Variants in NAV3 observed in about 807,000 individuals in gnomAD.
NAV3 encodes the protein pore membrane and/or filament interacting like protein 1.
In NAV3, 87 loss-of-function variants were observed where a neutral mutation model predicts 244.7. The ratio of observed to expected loss-of-function variants is 0.36; its 90% CI spans 0.30 to 0.42. The LOEUF is 0.42. NAV3 is among the 20% of genes least tolerant of loss of function. The pLI is 1.00. For synonymous variants in NAV3, 1,126 were observed against 1,042.2 expected (o/e 1.08, Z -1.55); for missense variants, 2,663 against 2,893.3 (o/e 0.92, Z 1.83).
intron 2 of NAV3, among the ~76,000 whole-genome samples, chr12:77,576,374 T>C (rs1869084167): frequency 6.6e-6 from 1 of 152,026 alleles, no homozygotes; most frequent in Admixed American, 6.6e-5. Context: ...TCAATTCACA[T>C]GGACCTGTTT....
intron 14 of NAV3, 60 bp from the exon 15 acceptor site, chr12:78,119,177 C>T (rs927212709): frequency 1.5e-5 from 21 of 1,423,142 alleles, no homozygotes; most frequent in African/African-American, 1.3e-4. Flanking sequence ...CATTGTTTCA[C>T]GAAGTGTGGT....
chr12:78,014,326 G>C (rs1387723109), intron 8 of NAV3, among the ~76,000 whole-genome samples: 1 of 152,058 alleles, frequency 6.6e-6, no homozygotes, highest in Non-Finnish European at 1.5e-5. Flanking sequence ...AGCAGAATCA[G>C]GGTTTTGAGC....
intron 3 of NAV3, among the ~76,000 whole-genome samples, chr12:77,963,973 C>T (rs1424810296): frequency 4.9e-5 from 7 of 144,098 alleles, no homozygotes; most frequent in African/African-American, 1.5e-4. Flanking sequence ...TTCACCCTCC[C>T]CTTCCTCCTC....
intron 1 of NAV3, among the ~76,000 whole-genome samples, chr12:77,917,214 T>G (rs1012682592): frequency 6.6e-6 from 1 of 152,012 alleles, no homozygotes; most frequent in South Asian, 2.1e-4. Flanking sequence ...TACTTTAACC[T>G]TCCTTATAAC....
At chr12:77,617,477 C>T (rs1298694058) in intron 2 of NAV3, among the ~76,000 whole-genome samples, 1 of 152,166 alleles carries the variant, frequency 6.6e-6, no homozygotes, top group Non-Finnish European at 1.5e-5. Flanking sequence ...TGGAGAGAGG[C>T]ATATGATAAA....
intron 2 of NAV3, among the ~76,000 whole-genome samples, chr12:77,649,513 T>C (rs989840985): frequency 1.7e-4 from 26 of 152,150 alleles, no homozygotes; most frequent in African/African-American, 6.0e-4. Context: ...AGCTGAGTTC[T>C]TGGATTATCT....
intron 5 of NAV3, among the ~76,000 whole-genome samples, chr12:77,986,502 A>G (rs1870537724): frequency 6.6e-6 from 1 of 152,196 alleles, no homozygotes; most frequent in African/African-American, 2.4e-5. Flanking sequence ...GATAGAATCC[A>G]AAGAGCTAAA....
rs1299336708 is a variant in NAV3 at position 78,127,197 on chromosome 12, A to G, written c.4269A>G (p.Lys1423=). ...AGCTTGACAGAAATACACTACCCAA[A>G]AAGGGACTAAGGTATATATTCCTCT... ...SMQLDRNTLP[K]KGLRYTPSSR... The change falls in exon 17 of 40, where the codon AAA becomes AAG. Residue 1423 remains lysine (K), a synonymous_variant. Coordinates refer to ENST00000397909, the MANE Select transcript of NAV3 (RefSeq NM_001024383.2). 1 of 1,613,696 alleles carries G rather than the reference A, an allele frequency of 6.2e-7. No individual in the cohort carries two copies. Among genetic ancestry groups the G allele is most frequent in the South Asian group, 1.1e-5 (1 of 91,014 alleles).
chr12:78,194,206 T>C lies in NAV3; in HGVS notation c.6292-3041T>C, dbSNP rs1053264522. On this transcript the variant is annotated intron_variant, in intron 34 of 39. Transcript: ENST00000397909. ...TATGTTTCTATTCACCTACTAAATA[T>C]ACCTGTTGAGAATTGACAATTTCAG... Among the ~76,000 whole-genome samples, 3 of 151,998 alleles carry C rather than the reference T, an allele frequency of 2.0e-5. No individual in the cohort carries two copies. In the Admixed American group the frequency reaches 2.0e-4, roughly 10 times the overall value.
chr12:78,201,621 A>G (rs1461354246), intron 38 of NAV3, among the ~76,000 whole-genome samples: 1 of 152,070 alleles, frequency 6.6e-6, no homozygotes, highest in Admixed American at 6.6e-5. Context: ...TTTTTCCATA[A>G]GTATTGCTAT....
chr12:78,148,824 T>TG lies in NAV3; in HGVS notation c.4708-18_4708-17insG. On this transcript the variant is annotated splice_polypyrimidine_tract_variant and intron_variant, in intron 21 of 39. Coordinates refer to ENST00000397909, the MANE Select transcript of NAV3 (RefSeq NM_001024383.2). ...AAATCTACTTGCCTATTCCATTGAT[T>TG]TTTTTAATTGCATTCAGCAAATCCA... The TG allele has an allele frequency of 6.2e-7, 1 of 1,607,730 alleles. No homozygotes were observed. Among genetic ancestry groups the TG allele is most frequent in the Non-Finnish European group, 8.5e-7 (1 of 1,177,010 alleles).
At chr12:77,844,852 G>T (rs1431441473) in intron 1 of NAV3, among the ~76,000 whole-genome samples, 1 of 152,096 alleles carries the variant, frequency 6.6e-6, no homozygotes, top group Admixed American at 6.5e-5. Flanking sequence ...GCCTGAATTG[G>T]AGTCCTTTAC....
chr12:77,823,335 G>A (rs568876128), intron 2 of NAV3, among the ~76,000 whole-genome samples: 4 of 152,278 alleles, frequency 2.6e-5, no homozygotes, highest in Middle Eastern at 3.4e-3. Flanking sequence ...AGAGATAGGA[G>A]AGAATGAGGA....
intron 2 of NAV3, among the ~76,000 whole-genome samples, chr12:77,675,238 C>T (rs1458920841): frequency 6.6e-6 from 1 of 151,866 alleles, no homozygotes; most frequent in East Asian, 1.9e-4. Flanking sequence ...ACCAGAAAAA[C>T]AGAACTGTTA....
chr12:77,791,308 C>T (rs866279274), intron 2 of NAV3, among the ~76,000 whole-genome samples: 6 of 147,732 alleles, frequency 4.1e-5, no homozygotes, highest in Non-Finnish European at 8.9e-5. Flanking sequence ...GAGCCAAGAT[C>T]GCACCATTGC....
intron 1 of NAV3, among the ~76,000 whole-genome samples, chr12:77,871,465 G>A (rs1243646776): frequency 2.0e-5 from 3 of 152,058 alleles, no homozygotes; most frequent in African/African-American, 7.2e-5. Flanking sequence ...AGGCCCAGGT[G>A]TGCAATGTTC....
intron 6 of NAV3, among the ~76,000 whole-genome samples, chr12:77,997,237 C>CAAAAAAAAA (rs139557569): frequency 1.3e-5 from 1 of 78,732 alleles, no homozygotes; most frequent in Non-Finnish European, 2.5e-5. Flanking sequence ...CACCCTGTCT[C>CAAAAAAAAA]AAAAAAAAAA....
At chr12:77,683,630 A>G (rs1874574011) in intron 2 of NAV3, among the ~76,000 whole-genome samples, 1 of 152,216 alleles carries the variant, frequency 6.6e-6, no homozygotes, top group African/African-American at 2.4e-5. Context: ...CATTTTAACA[A>G]TATTATTTTA....
intron 2 of NAV3, among the ~76,000 whole-genome samples, chr12:77,614,584 C>A (rs1049926144): frequency 5.3e-5 from 8 of 152,128 alleles, no homozygotes; most frequent in African/African-American, 1.2e-4. Flanking sequence ...TATTCAAAAA[C>A]AAATCATATG....
Sources: allele counts gnomAD v4.1 joint callset (sites outside exome capture counted in the v4.1 genomes callset), GRCh38; gene constraint gnomAD v4.1.1; transcripts MANE v1.5; gene names NCBI Gene and HGNC (gene_info 2026-07-23, HGNC 2026-07-21).